The following FNIP2 variants were observed in gnomAD, a reference collection of about 807,000 sequenced individuals.
The protein encoded by FNIP2 is folliculin-interacting protein 2.
In FNIP2, 32 loss-of-function variants were observed where a neutral mutation model predicts 108.7. The ratio of observed to expected loss-of-function variants is 0.29; its 90% CI spans 0.22 to 0.40. The LOEUF is 0.40. Among genes scored for constraint, FNIP2 ranks in the 10% least tolerant of loss-of-function variants. The pLI is 1.00. For missense variants in FNIP2, 1,202 were observed against 1,381.6 expected, an observed-to-expected ratio of 0.87 and a Z score of 2.06; for synonymous variants, 480 against 496.7, an observed-to-expected ratio of 0.97 and a Z score of 0.45.
At chr4:158,814,070 C>CTCCTCCTCCTTTTCT (rs1180835661) in intron 1 of FNIP2, among the ~76,000 whole-genome samples, 2 of 152,164 alleles carry the variant, frequency 1.3e-5, no homozygotes, top group African/African-American at 4.8e-5. Flanking sequence ...CTTCCTCCTT[C>CTCCTCCTCCTTTTCT]TCCTCCTCCT....
chr4:158,881,349 A>C (rs1375869905), intron 14 of FNIP2, among the ~76,000 whole-genome samples: 4 of 92,606 alleles, frequency 4.3e-5, no homozygotes, highest in Admixed American at 1.2e-4. Context: ...CTCTCTTTCC[A>C]CGGTCTCCCT....
At chr4:158,777,725 A>G (rs1775905570) in intron 1 of FNIP2, among the ~76,000 whole-genome samples, 1 of 152,200 alleles carries the variant, frequency 6.6e-6, no homozygotes, top group East Asian at 1.9e-4. Flanking sequence ...ACGGAAGACC[A>G]TGTGGACGCT....
At chr4:158,867,233 C>T (rs1009250344) in intron 12 of FNIP2, among the ~76,000 whole-genome samples, 3 of 152,108 alleles carry the variant, frequency 2.0e-5, no homozygotes, top group Non-Finnish European at 4.4e-5. Context: ...CATGCTGTTG[C>T]CCAGGCTGGA....
At chr4:158,806,955 C>T (rs2126492218) in intron 1 of FNIP2, among the ~76,000 whole-genome samples, 1 of 152,224 alleles carries the variant, frequency 6.6e-6, no homozygotes, top group South Asian at 2.1e-4. Flanking sequence ...TGGAGCTTGT[C>T]TAAAAAGAAT....
intron 14 of FNIP2, chr4:158,871,274 T>A: frequency 1.7e-6 from 1 of 579,276 alleles, no homozygotes; most frequent in Non-Finnish European, 2.2e-6. Flanking sequence ...TTAACTGAGC[T>A]GTTATTGGGC....
At chr4:158,808,299 C>A (rs1481809555) in intron 1 of FNIP2, among the ~76,000 whole-genome samples, 2 of 152,102 alleles carry the variant, frequency 1.3e-5, no homozygotes, top group East Asian at 3.8e-4. Flanking sequence ...TTTTAAAAAC[C>A]TCTAAAATTT....
chr4:158,797,541 A>C lies in FNIP2; in HGVS notation c.107+28222A>C, dbSNP rs183493924. On this transcript the variant is annotated intron_variant, in intron 1 of 16. Coordinates refer to ENST00000264433, the MANE Select transcript of FNIP2 (RefSeq NM_020840.3). ...ATGGTGAGACCCCATGTCTACAAAAAACACAAACATTAGCCAGGTATGGTG... is the reference window on the plus strand; with the variant it reads ...ATGGTGAGACCCCATGTCTACAAAACACACAAACATTAGCCAGGTATGGTG... Among the ~76,000 whole-genome samples, 15 of 152,288 alleles carry C rather than the reference A, an allele frequency of 9.8e-5. No individual in the cohort carries two copies. In the East Asian group the frequency reaches 2.9e-3, roughly 29 times the overall value.
intron 7 of FNIP2, among the ~76,000 whole-genome samples, chr4:158,840,700 G>A (rs1779082719): frequency 6.6e-6 from 1 of 152,152 alleles, no homozygotes; most frequent in African/African-American, 2.4e-5. Flanking sequence ...CCAGCCAGAA[G>A]CTAAAGTTTG....
intron 16 of FNIP2, among the ~76,000 whole-genome samples, 161 bp downstream of exon 16, chr4:158,896,026 CAGCATGTT>C (rs1782639287): frequency 6.6e-6 from 1 of 152,174 alleles, no homozygotes; most frequent in African/African-American, 2.4e-5. Context: ...CCCCAATGAA[CAGCATGTT>C]CCGTTATCTG....
chr4:158,875,188 T>C (rs954113530), intron 14 of FNIP2, among the ~76,000 whole-genome samples: 1 of 152,028 alleles, frequency 6.6e-6, no homozygotes, highest in Non-Finnish European at 1.5e-5. Context: ...AGGGGACTAC[T>C]GTTGGGAATG....
intron 1 of FNIP2, among the ~76,000 whole-genome samples, chr4:158,776,996 A>G (rs945739036): frequency 6.6e-6 from 1 of 152,212 alleles, no homozygotes; most frequent in African/African-American, 2.4e-5. Context: ...TATCAAAATG[A>G]TAGGGTAAAA....
rs1226964534 is a variant in FNIP2 at position 158,905,678 on chromosome 4, T to G, written c.*1134T>G. 1 of 133,098 alleles carries G rather than the reference T, an allele frequency of 7.5e-6. No individual in the cohort carries two copies. Among genetic ancestry groups the G allele is most frequent in the Non-Finnish European group, 1.6e-5 (1 of 63,500 alleles). The allele number at this position is 133,098 out of a possible 1,614,324, so 8.2% of individuals were successfully genotyped here. A position where few individuals can be genotyped will look rare whatever the true frequency, so the allele number is the denominator to read the frequency against. On this transcript the variant is annotated 3_prime_UTR_variant, in exon 17 of 17. Transcript: ENST00000264433. ...CATTGTATAAAACCGACCAAAATGA[T>G]TTCCTAAAGTTCATGCAAAAAAAAA... is the stretch of plus-strand genomic sequence containing the variant.
chr4:158,866,859 G>A (rs998359716), intron 12 of FNIP2, among the ~76,000 whole-genome samples: 6 of 152,148 alleles, frequency 3.9e-5, no homozygotes, highest in African/African-American at 1.4e-4. Context: ...TTACAGGCAT[G>A]AGCCACCGCA....
intron 14 of FNIP2, among the ~76,000 whole-genome samples, chr4:158,874,157 T>C (rs1781120635): frequency 6.6e-6 from 1 of 152,230 alleles, no homozygotes; most frequent in Non-Finnish European, 1.5e-5. Context: ...AAAATGTATT[T>C]AGTGGAACAG....
chr4:158,873,226 C>T (rs1200342924), intron 14 of FNIP2, among the ~76,000 whole-genome samples: 1 of 151,560 alleles, frequency 6.6e-6, no homozygotes, highest in Non-Finnish European at 1.5e-5. Flanking sequence ...GGCTTTGGTA[C>T]TCATAATTCT....
chr4:158,884,076 G>A (rs937221133), intron 14 of FNIP2, among the ~76,000 whole-genome samples: 22 of 151,656 alleles, frequency 1.5e-4, no homozygotes, highest in Non-Finnish European at 3.1e-4. Flanking sequence ...ATGCAAGAAC[G>A]GCATTTCCTC....
chr4:158,784,553 C>A (rs1298184876), intron 1 of FNIP2, among the ~76,000 whole-genome samples: 3 of 152,126 alleles, frequency 2.0e-5, no homozygotes, highest in Non-Finnish European at 4.4e-5. Context: ...TCAGTGGGAG[C>A]CCTGAGCCTG....
chr4:158,769,333 G>C lies in FNIP2; in HGVS notation c.107+14G>C, dbSNP rs1251174955. The C allele has an allele frequency of 6.8e-7, 1 of 1,462,448 alleles. No homozygotes were observed. Among genetic ancestry groups the C allele is most frequent in the Middle Eastern group, 2.0e-4 (1 of 4,992 alleles). 90.6% of individuals were successfully genotyped at this position (1,462,448 alleles called of 1,614,324 possible). A position where few individuals can be genotyped will look rare whatever the true frequency, so the allele number is the denominator to read the frequency against. On this transcript the variant is annotated intron_variant, in intron 1 of 16. Transcript: ENST00000264433. ...ACCCGCCTTTAGGTGAGGGGGCGCC[G>C]GGGGGCAATTCTGGCGCGGGACCCG...
intron 15 of FNIP2, among the ~76,000 whole-genome samples, chr4:158,894,879 G>A (rs574372562): frequency 8.5e-5 from 13 of 152,122 alleles, no homozygotes; most frequent in Admixed American, 2.0e-4. Flanking sequence ...TTTCCATGTC[G>A]TTGATCAGCC....
Sources: gnomAD v4.1 joint callset for allele counts (sites outside exome capture counted in the v4.1 genomes callset) on GRCh38, gnomAD v4.1.1 for gene constraint, MANE v1.5 for transcripts, NCBI Gene and HGNC (gene_info 2026-07-23, HGNC 2026-07-21) for gene names.